STAM2: variants seen among roughly 807,000 people sequenced by gnomAD.
STAM2 encodes the protein signal transducing adapter molecule 2.
A neutral mutation model predicts 65.6 loss-of-function variants in STAM2; 51 were observed. The observed-to-expected ratio is 0.78, with a 90% confidence interval of 0.62 to 0.98. The LOEUF (loss-of-function observed/expected upper bound fraction) is 0.98. Among genes scored for constraint, STAM2 ranks in the 50% least tolerant of loss-of-function variants. The pLI is 0.00. For missense variants in STAM2, 584 were observed against 617.8 expected (o/e 0.95, Z 0.58); for synonymous variants, 198 against 208.4 (o/e 0.95, Z 0.43).
chr2:152,173,717 T>A (rs1447034935), intron 1 of STAM2, among the ~76,000 whole-genome samples: 1 of 152,138 alleles, frequency 6.6e-6, no homozygotes, highest in South Asian at 2.1e-4. Context: ...ATTAACGATT[T>A]GAAATGAAAA....
At chr2:152,123,047 G>A (rs1688886319) in intron 13 of STAM2, among the ~76,000 whole-genome samples, 1 of 151,854 alleles carries the variant, frequency 6.6e-6, no homozygotes, top group Admixed American at 6.6e-5. Context: ...CTCTATCCTG[G>A]GCGACTGAGT....
intron 5 of STAM2, among the ~76,000 whole-genome samples, chr2:152,146,102 T>A (rs1218418166): frequency 6.6e-6 from 1 of 151,612 alleles, no homozygotes; most frequent in African/African-American, 2.4e-5. Flanking sequence ...AAACCCCGTC[T>A]CTACTAAAAA....
At chr2:152,174,918 G>A (rs1579342414) in intron 1 of STAM2, among the ~76,000 whole-genome samples, 1 of 152,176 alleles carries the variant, frequency 6.6e-6, no homozygotes, top group Non-Finnish European at 1.5e-5. Flanking sequence ...TAGTCACTGA[G>A]AGACCAGCGC....
In STAM2 at chr2:152,132,096, C is replaced by CT. The variant is rs5835408; in HGVS notation, c.1025+17dup. The CT allele has an allele frequency of 0.35, 563,433 of 1,595,778 alleles. 112,754 individuals carry two copies. The highest frequency in any genetic ancestry group is 0.85 in the East Asian group (37,945 of 44,622). On this transcript the variant is annotated intron_variant, in intron 11 of 13. Transcript: ENST00000263904. ...CCCCCCAAAACTATACTTTTTATTC[C>CT]TGCACGAAAAATCTCACCTATCAAT...
intron 13 of STAM2, among the ~76,000 whole-genome samples, chr2:152,122,523 C>T (rs539877045): frequency 2.0e-5 from 3 of 152,166 alleles, no homozygotes; most frequent in African/African-American, 7.2e-5. Context: ...GTTTTTTCTC[C>T]ACAGTTCCTA....
At chr2:152,130,276 G>C (rs1404982494) in intron 11 of STAM2, among the ~76,000 whole-genome samples, 1 of 151,930 alleles carries the variant, frequency 6.6e-6, no homozygotes, top group African/African-American at 2.4e-5. Context: ...TTTTGAGACC[G>C]TGTCTTGCTC....
chr2:152,138,090 G>A (rs1689187849), intron 7 of STAM2, among the ~76,000 whole-genome samples: 1 of 151,948 alleles, frequency 6.6e-6, no homozygotes, highest in Admixed American at 6.5e-5. Flanking sequence ...TACTTTTCAA[G>A]TTCTCTGGGG....
chr2:152,165,101 T>A (rs1689752126), intron 1 of STAM2, among the ~76,000 whole-genome samples: 1 of 152,062 alleles, frequency 6.6e-6, no homozygotes. Context: ...AAGCATAATG[T>A]GCTAGACATT....
intron 1 of STAM2, among the ~76,000 whole-genome samples, chr2:152,160,372 T>G (rs1203701668): frequency 4.1e-5 from 6 of 146,540 alleles, no homozygotes; most frequent in Admixed American, 4.0e-4. Context: ...GGAGCGCCTC[T>G]GCCCTGCCAC....
intron 1 of STAM2, among the ~76,000 whole-genome samples, chr2:152,172,449 T>A (rs973118790): frequency 3.9e-5 from 6 of 152,088 alleles, no homozygotes; most frequent in Non-Finnish European, 8.8e-5. Flanking sequence ...GAAAGACTGC[T>A]CACCCTCCTG....
chr2:152,172,726 C>A (rs1689918352), intron 1 of STAM2, among the ~76,000 whole-genome samples: 1 of 151,780 alleles, frequency 6.6e-6, no homozygotes, highest in African/African-American at 2.4e-5. Context: ...AAAAAATTAG[C>A]CAGGTGTGGT....
intron 8 of STAM2, among the ~76,000 whole-genome samples, chr2:152,134,208 A>G (rs1337511960): frequency 6.6e-6 from 1 of 152,212 alleles, no homozygotes; most frequent in African/African-American, 2.4e-5. Flanking sequence ...CCCAACTGTT[A>G]GTCATTTATT....
chr2:152,147,216 T>G lies in STAM2; in HGVS notation c.393A>C (p.Ala131=), dbSNP rs1489273121. 1.2e-6 allele frequency: 2 copies of G among 1,611,924 alleles called. No individual in the cohort carries two copies. Among genetic ancestry groups the G allele is most frequent in the Non-Finnish European group, 1.7e-6 (2 of 1,179,232 alleles). Residue 131 remains alanine (A), a synonymous_variant, in exon 5 of 14, where the codon GCA becomes GCC. Transcript: ENST00000263904. ...CTTCTTCTTTCATAGATTTAATAGT[T>G]GCAGATATCAGACTAAACTGAGGGT... ...QKDPQFSLIS[A]TIKSMKEEGI... is the part of the protein sequence containing the mutation.
Position 152,133,482 on chromosome 2 carries a change from CCG to C in STAM2, c.800_801del (p.Ala267GlyfsTer9), listed in dbSNP as rs773710864. ...TTNLNIETEA[A>X]AVDKLNVIDD... Reference sequence around the variant, plus strand: ...TCAATTACATTCAATTTGTCCACAGCCGCTATAGAAACAAAGTAATTTTAAGT... The same window carrying C: ...TCAATTACATTCAATTTGTCCACAGCCTATAGAAACAAAGTAATTTTAAGT... On this transcript the variant is annotated frameshift_variant and splice_region_variant, in exon 9 of 14. Transcript: ENST00000263904. LOFTEE classifies it high-confidence loss of function. 6.2e-7 allele frequency: 1 copy of C among 1,610,640 alleles called. No individual in the cohort carries two copies. The highest frequency in any genetic ancestry group is 8.5e-7 in the Non-Finnish European group (1 of 1,178,356).
intron 1 of STAM2, among the ~76,000 whole-genome samples, chr2:152,173,681 G>A (rs1689949856): frequency 6.6e-6 from 1 of 152,158 alleles, no homozygotes; most frequent in African/African-American, 2.4e-5. Flanking sequence ...ACAGGCGTGA[G>A]CCGCTGCGCC....
At position 152,119,091 on chromosome 2, in the gene STAM2, AC is replaced by A. The variant is rs1019263151; in HGVS notation, c.*1482del. 179 of 152,336 alleles carry A rather than the reference AC, an allele frequency of 1.2e-3. No homozygotes were observed. The highest frequency in any genetic ancestry group is 4.1e-3 in the African/African-American group (171 of 41,580). The allele number at this position is 152,336 out of a possible 1,614,324, so 9.4% of individuals were successfully genotyped here. On this transcript the variant is annotated 3_prime_UTR_variant, in exon 14 of 14. Coordinates refer to ENST00000263904, the MANE Select transcript of STAM2 (RefSeq NM_005843.6). Reference sequence around the variant, plus strand: ...AAGAATGACTGCTTCCTTTAAAAAAACAAATATAGAAATCTTGCTTCCACGT... The same window carrying A: ...AAGAATGACTGCTTCCTTTAAAAAAAAAATATAGAAATCTTGCTTCCACGT...
intron 7 of STAM2, among the ~76,000 whole-genome samples, chr2:152,143,412 C>T (rs1433781109): frequency 6.6e-6 from 1 of 152,084 alleles, no homozygotes; most frequent in Non-Finnish European, 1.5e-5. Context: ...GAGGAGAATA[C>T]AGTAGTAGAT....
At chr2:152,144,100 A>C in intron 6 of STAM2, 87 bp from the exon 7 acceptor site, 8 of 1,274,158 alleles carry the variant, frequency 6.3e-6, no homozygotes. Flanking sequence ...TAATAAGAAT[A>C]AATCAAGCAT....
chr2:152,121,152 G>A (rs1022576401), intron 13 of STAM2, among the ~76,000 whole-genome samples: 13 of 151,970 alleles, frequency 8.6e-5, no homozygotes, highest in Non-Finnish European at 1.9e-4. Context: ...AAAAATTTTT[G>A]TTGTAGAGAC....
Sources: allele counts gnomAD v4.1 joint callset (sites outside exome capture counted in the v4.1 genomes callset), GRCh38; gene constraint gnomAD v4.1.1; transcripts MANE v1.5; gene names NCBI Gene and HGNC (gene_info 2026-07-23, HGNC 2026-07-21).